Variants in MDFIC2 observed in about 807,000 individuals in gnomAD.
MDFIC2 encodes myoD family inhibitor domain-containing protein 2.
chr3:70,252,308 A>G (rs1394425429), intron 2 of MDFIC2, among the ~76,000 whole-genome samples: 2 of 152,136 alleles, frequency 1.3e-5, no homozygotes, highest in East Asian at 1.9e-4. Flanking sequence ...CCATTGGTGT[A>G]TGGTGTGGCG....
At chr3:70,308,344 A>G (rs2106707589) in intron 2 of MDFIC2, among the ~76,000 whole-genome samples, 1 of 152,284 alleles carries the variant, frequency 6.6e-6, no homozygotes, top group South Asian at 2.1e-4. Context: ...GGCATGAGTC[A>G]CTATGCTGAG....
chr3:70,311,437 T>C (rs939504178), intron 2 of MDFIC2, among the ~76,000 whole-genome samples: 2 of 152,174 alleles, frequency 1.3e-5, no homozygotes, highest in Non-Finnish European at 2.9e-5. Flanking sequence ...CATTCTCCCC[T>C]GGGAAGGTGG....
intron 2 of MDFIC2, among the ~76,000 whole-genome samples, chr3:70,242,193 G>A (rs549904117): frequency 6.6e-6 from 1 of 152,290 alleles, no homozygotes; most frequent in East Asian, 1.9e-4. Flanking sequence ...GGCTTCTGGA[G>A]TATCTTTCCA....
chr3:70,207,817 C>T (rs918272073), intron 2 of MDFIC2, among the ~76,000 whole-genome samples: 7 of 151,980 alleles, frequency 4.6e-5, no homozygotes, highest in Non-Finnish European at 7.4e-5. Flanking sequence ...GAGACCTGAG[C>T]ATCTGAAAAT....
intron 3 of MDFIC2, among the ~76,000 whole-genome samples, chr3:70,202,898 C>G (rs941818811): frequency 4.6e-5 from 7 of 152,032 alleles, no homozygotes; most frequent in African/African-American, 1.7e-4. Flanking sequence ...GAAAAGGTGG[C>G]AATCCAAGGA....
At position 70,196,236 on chromosome 3, in the gene MDFIC2, T is replaced by C. The variant is rs1454110364; in HGVS notation, c.*690A>G. ...ACGAATTAAGAATATGAATAACCTG[T>C]TATGACATAGTCATAGACATACAAT... is the stretch of plus-strand genomic sequence containing the variant. On this transcript the variant is annotated 3_prime_UTR_variant, in exon 4 of 4. Coordinates refer to ENST00000567252, the MANE Select transcript of MDFIC2 (RefSeq NM_001364677.1). 6.6e-6 allele frequency among the ~76,000 whole-genome samples: 1 copy of C among 152,182 alleles called. No individual in the cohort carries two copies. The highest frequency in any genetic ancestry group is 2.4e-5 in the African/African-American group (1 of 41,452).
intron 2 of MDFIC2, among the ~76,000 whole-genome samples, chr3:70,228,435 T>A (rs961308428): frequency 2.0e-5 from 3 of 151,934 alleles, no homozygotes; most frequent in Admixed American, 6.6e-5. Flanking sequence ...AAAAAAAAAA[T>A]AATGCTTCAC....
chr3:70,256,484 G>GACCTC (rs1251254755), intron 2 of MDFIC2, among the ~76,000 whole-genome samples: 1 of 152,148 alleles, frequency 6.6e-6, no homozygotes, highest in African/African-American at 2.4e-5. Context: ...AGGGTCTCAG[G>GACCTC]ACCTCATTTA....
chr3:70,235,737 A>C (rs191788383), intron 2 of MDFIC2, among the ~76,000 whole-genome samples: 1 of 152,356 alleles, frequency 6.6e-6, no homozygotes, highest in Admixed American at 6.5e-5. Flanking sequence ...CAGGCCATTG[A>C]TAATTTATTG....
At chr3:70,197,282 C>T in intron 3 of MDFIC2, 97 bp from the exon 4 acceptor site, 1 of 397,542 alleles carries the variant, frequency 2.5e-6, no homozygotes, top group Non-Finnish European at 4.4e-6. Context: ...TGATAGCCAA[C>T]TCTTAATTAT....
At chr3:70,264,316 C>T (rs1416776104) in intron 2 of MDFIC2, among the ~76,000 whole-genome samples, 2 of 152,112 alleles carry the variant, frequency 1.3e-5, no homozygotes, top group African/African-American at 2.4e-5. Context: ...ACAATGCAGG[C>T]CTTTATCACG....
intron 2 of MDFIC2, among the ~76,000 whole-genome samples, chr3:70,233,954 G>T (rs763221845): frequency 5.9e-5 from 9 of 152,222 alleles, no homozygotes; most frequent in South Asian, 2.1e-4. Context: ...GAAAATTCCC[G>T]TGCAAGTTTT....
intron 2 of MDFIC2, among the ~76,000 whole-genome samples, chr3:70,216,717 C>A (rs1048516496): frequency 6.6e-6 from 1 of 152,144 alleles, no homozygotes; most frequent in Admixed American, 6.6e-5. Context: ...TCAAATGTCA[C>A]CTCCTGGGTG....
chr3:70,198,208 A>G (rs1352484109), intron 3 of MDFIC2, among the ~76,000 whole-genome samples: 6 of 152,204 alleles, frequency 3.9e-5, no homozygotes. Flanking sequence ...AGCATGAATT[A>G]GAGAAAAAAT....
chr3:70,199,209 T>C (rs140933683), intron 3 of MDFIC2, among the ~76,000 whole-genome samples: 94 of 152,290 alleles, frequency 6.2e-4, no homozygotes, highest in African/African-American at 2.0e-3. Flanking sequence ...ACCTTAAGGA[T>C]TGGAGCTGGT....
At position 70,311,768 on chromosome 3, in the gene MDFIC2, C is replaced by T. The variant is rs1575623050; in HGVS notation, c.88+118G>A. 3 of 387,086 alleles carry T rather than the reference C, an allele frequency of 7.8e-6. No homozygotes were observed. In the South Asian group the frequency reaches 4.3e-4, roughly 56 times the overall value. 24.0% of individuals were successfully genotyped at this position (387,086 alleles called of 1,614,324 possible). ...GAAAAAAAAAGAAAAGAGTGAAAAT[C>T]AGAAGTACTACTATTTGAACGGTCA... On this transcript the variant is annotated intron_variant, in intron 2 of 3. Coordinates refer to ENST00000567252, the MANE Select transcript of MDFIC2 (RefSeq NM_001364677.1).
rs1701697432 is a variant in MDFIC2, at chr3:70,245,401, T to C, written c.89-38611A>G. On this transcript the variant is annotated intron_variant, in intron 2 of 3. Transcript: ENST00000567252. ...CTTAATGTTTTAATGCTAGTATAGA[T>C]TTAAAAAGTACATGATTCTTGGAAA... is the stretch of plus-strand genomic sequence containing the variant. Among the ~76,000 whole-genome samples, 4 of 151,744 alleles carry C rather than the reference T, an allele frequency of 2.6e-5. No homozygotes were observed. The South Asian group carries it at 8.3e-4, about 31-fold the overall frequency.
chr3:70,311,381 G>A (rs1702452171), intron 2 of MDFIC2, among the ~76,000 whole-genome samples: 1 of 152,188 alleles, frequency 6.6e-6, no homozygotes, highest in African/African-American at 2.4e-5. Flanking sequence ...ATTTGTGTGC[G>A]TATTTCAAGC....
intron 2 of MDFIC2, among the ~76,000 whole-genome samples, chr3:70,238,075 T>C (rs2106639452): frequency 6.7e-6 from 1 of 149,216 alleles, no homozygotes; most frequent in South Asian, 2.2e-4. Flanking sequence ...CTTTATACCT[T>C]GAGTGGAAAT....
Sources: allele counts gnomAD v4.1 joint callset (sites outside exome capture counted in the v4.1 genomes callset), GRCh38; gene constraint gnomAD v4.1.1; transcripts MANE v1.5; gene names NCBI Gene and HGNC (gene_info 2026-07-23, HGNC 2026-07-21).